The following ABCB11 variants were observed in gnomAD, a reference collection of about 807,000 sequenced individuals.
ABCB11 encodes the protein bile salt export pump.
In ABCB11, 95 loss-of-function variants were observed where a neutral mutation model predicts 148.0. That is an observed-to-expected ratio of 0.64 (90% CI 0.54 to 0.76). The LOEUF is 0.76. ABCB11 is among the 30% of genes least tolerant of loss of function. ABCB11 has a pLI of 0.00. For missense variants in ABCB11, 1,523 were observed against 1,617.8 expected, an observed-to-expected ratio of 0.94 and a Z score of 1.01; for synonymous variants, 591 against 555.4, an observed-to-expected ratio of 1.06 and a Z score of -0.90.
intron 6 of ABCB11, 119 bp downstream of exon 6, chr2:168,996,516 A>C (rs998772939): frequency 1.4e-5 from 7 of 490,074 alleles, no homozygotes; most frequent in African/African-American, 1.4e-4. Context: ...TGTCCTCTGG[A>C]AACAGACTGT....
chr2:168,936,425 G>A lies in ABCB11; in HGVS notation c.2619C>T (p.Gly873=). The A allele has an allele frequency of 6.2e-7, 1 of 1,613,874 alleles. No individual in the cohort carries two copies. The highest frequency in any genetic ancestry group is 8.5e-7 in the Non-Finnish European group (1 of 1,179,878). ...AATTGACTATCATCCCGATCTGAGA[G>A]CCGGCAGCCTGCAAACCAAAAAGCA... ...TDASQVQGAA[G]SQIGMIVNSF... Residue 873 remains glycine (G), a synonymous_variant, in exon 22 of 28, where the codon GGC becomes GGT. Transcript: ENST00000650372.
chr2:168,936,285 C>G lies in ABCB11; in HGVS notation c.2759G>C (p.Arg920Thr), dbSNP rs2105898942. Reference sequence around the variant, plus strand: ...TCGAGAGGCAAATCCTGTCAACATCCTGGTCTGTGTGGCTCCTGATAAAGC... The same window carrying G: ...TCGAGAGGCAAATCCTGTCAACATCGTGGTCTGTGTGGCTCCTGATAAAGC... ...FLALSGATQTRMLTGFASRDK... is the reference protein window; with the variant it reads ...FLALSGATQTTMLTGFASRDK... Residue 920 changes from arginine to threonine, a missense_variant, in exon 22 of 28, where the codon AGG becomes ACG. Transcript: ENST00000650372. 1 of 1,613,970 alleles carries G rather than the reference C, an allele frequency of 6.2e-7. No individual in the cohort carries two copies. The highest frequency in any genetic ancestry group is 8.5e-7 in the Non-Finnish European group (1 of 1,179,876).
intron 9 of ABCB11, among the ~76,000 whole-genome samples, chr2:168,987,080 A>T (rs1694351196): frequency 6.6e-6 from 1 of 152,156 alleles, no homozygotes; most frequent in Non-Finnish European, 1.5e-5. Context: ...GAAATATGCT[A>T]CTGAAATTTT....
chr2:168,939,688 A>G (rs1310058866), intron 21 of ABCB11, among the ~76,000 whole-genome samples: 6 of 152,080 alleles, frequency 3.9e-5, no homozygotes, highest in Non-Finnish European at 5.9e-5. Context: ...ATAAAAAAAG[A>G]AAAGAAAAGA....
intron 12 of ABCB11, 106 bp from the exon 13 acceptor site, chr2:168,973,946 T>C: frequency 7.7e-7 from 1 of 1,301,698 alleles, no homozygotes; most frequent in Non-Finnish European, 1.1e-6. Context: ...TGTCTGTGTG[T>C]GCGTTTATGT....
At chr2:169,022,881 T>C (rs191666967) in intron 1 of ABCB11, among the ~76,000 whole-genome samples, 1 of 152,142 alleles carries the variant, frequency 6.6e-6, no homozygotes, top group African/African-American at 2.4e-5. Flanking sequence ...AAATAATTAA[T>C]CATTTTCATA....
chr2:168,918,324 A>C (rs573791103), downstream of ABCB11, among the ~76,000 whole-genome samples: 12 of 152,340 alleles, frequency 7.9e-5, no homozygotes, highest in African/African-American at 2.6e-4. Context: ...CCATCAATAG[A>C]CATTTTAGTA....
At chr2:169,016,158 A>G (rs1027812605) in intron 3 of ABCB11, among the ~76,000 whole-genome samples, 1 of 152,154 alleles carries the variant, frequency 6.6e-6, no homozygotes, top group Admixed American at 6.5e-5. Flanking sequence ...TGTGGCTCTC[A>G]GAGGCCCAGG....
At chr2:168,979,645 C>T (rs1281303893) in intron 11 of ABCB11, among the ~76,000 whole-genome samples, 2 of 131,714 alleles carry the variant, frequency 1.5e-5, no homozygotes, top group Non-Finnish European at 3.0e-5. Flanking sequence ...GCACTCCAGC[C>T]TGGGCAACAA....
At chr2:168,952,801 T>G (rs1692629364) in intron 19 of ABCB11, among the ~76,000 whole-genome samples, 1 of 151,458 alleles carries the variant, frequency 6.6e-6, no homozygotes, top group African/African-American at 2.4e-5. Context: ...AATGATAGAT[T>G]GTTAATTTGT....
chr2:168,977,637 G>A (rs1174152947), intron 11 of ABCB11, among the ~76,000 whole-genome samples: 1 of 152,172 alleles, frequency 6.6e-6, no homozygotes, highest in Non-Finnish European at 1.5e-5. Flanking sequence ...GAATACCTGA[G>A]ACTGGGTAAT....
At chr2:168,953,791 C>G (rs1352422127) in intron 19 of ABCB11, among the ~76,000 whole-genome samples, 1 of 151,538 alleles carries the variant, frequency 6.6e-6, no homozygotes, top group Non-Finnish European at 1.5e-5. Flanking sequence ...CAAAGTCACC[C>G]CTTTGCTCAC....
chr2:169,001,651 T>C (rs1694878157), intron 5 of ABCB11, among the ~76,000 whole-genome samples: 1 of 152,190 alleles, frequency 6.6e-6, no homozygotes. Context: ...GGTCACCGTT[T>C]TCTTCTGTGG....
intron 27 of ABCB11, 117 bp downstream of exon 27, chr2:168,924,540 C>A: frequency 2.0e-6 from 2 of 983,482 alleles, no homozygotes; most frequent in South Asian, 2.1e-5. Flanking sequence ...CAAAGTATTG[C>A]CAATTTCTAC....
chr2:169,006,437 C>G (rs1695021012), intron 5 of ABCB11, among the ~76,000 whole-genome samples: 1 of 152,074 alleles, frequency 6.6e-6, no homozygotes, highest in Non-Finnish European at 1.5e-5. Flanking sequence ...TAATGCCATA[C>G]TTAATGGTGA....
chr2:168,927,343 C>T lies in ABCB11; in HGVS notation c.3431G>A (p.Ser1144Asn). Residue 1144 changes from serine to asparagine, a missense_variant, in exon 26 of 28, where the codon AGC (serine) becomes AAC (asparagine). Coordinates refer to ENST00000650372, the MANE Select transcript of ABCB11 (RefSeq NM_003742.4). ...GAGGAACTGGACATTTACTTTTTTG[C>T]TGTCATGACCATCTATCATCTGCCA... ...QGKVMIDGHD[S>N]KKVNVQFLRS... The T allele has an allele frequency of 6.2e-7, 1 of 1,613,672 alleles. No individual in the cohort carries two copies. Among genetic ancestry groups the T allele is most frequent in the Non-Finnish European group, 8.5e-7 (1 of 1,179,690 alleles).
chr2:168,951,176 A>ATAATTTAGTCAGCCAG (rs1439917645), intron 19 of ABCB11, among the ~76,000 whole-genome samples: 4 of 151,032 alleles, frequency 2.6e-5, no homozygotes. Flanking sequence ...TAGTCAGCCA[A>ATAATTTAGTCAGCCAG]ATAATATGAT....
intron 22 of ABCB11, 77 bp downstream of exon 22, chr2:168,936,153 C>T (rs1172740637): frequency 9.4e-6 from 13 of 1,388,126 alleles, no homozygotes; most frequent in East Asian, 2.4e-5. Context: ...TCAGTCTCTT[C>T]GTACTACTCG....
At chr2:168,982,873 T>G (rs1048484661) in intron 10 of ABCB11, among the ~76,000 whole-genome samples, 2 of 152,170 alleles carry the variant, frequency 1.3e-5, no homozygotes, top group African/African-American at 4.8e-5. Flanking sequence ...TCTCTTAAGA[T>G]ATAAGCAGAG....
Sources: gnomAD v4.1 joint callset for allele counts (sites outside exome capture counted in the v4.1 genomes callset) on GRCh38, gnomAD v4.1.1 for gene constraint, MANE v1.5 for transcripts, NCBI Gene and HGNC (gene_info 2026-07-23, HGNC 2026-07-21) for gene names.